Variants in MYRIP observed in about 807,000 individuals in gnomAD.
MYRIP encodes rab effector MyRIP.
A neutral mutation model predicts 98.0 loss-of-function variants in MYRIP; 49 were observed. The ratio of observed to expected loss-of-function variants is 0.50; its 90% CI spans 0.40 to 0.63. MYRIP has a LOEUF of 0.63. Among genes scored for constraint, MYRIP ranks in the 30% least tolerant of loss-of-function variants. The pLI is 0.00. For missense variants in MYRIP, 1,004 were observed against 1,058.2 expected (o/e 0.95, Z 0.71); for synonymous variants, 404 against 409.5 (o/e 0.99, Z 0.16).
intron 1 of MYRIP, among the ~76,000 whole-genome samples, chr3:39,856,105 A>T (rs1489646914): frequency 6.6e-6 from 1 of 152,180 alleles, no homozygotes; most frequent in Non-Finnish European, 1.5e-5. Flanking sequence ...GGATTTTCAG[A>T]TTCCCCAGTG....
chr3:39,898,391 G>A (rs1943665535), intron 1 of MYRIP, among the ~76,000 whole-genome samples: 1 of 152,134 alleles, frequency 6.6e-6, no homozygotes, highest in Non-Finnish European at 1.5e-5. Flanking sequence ...TGGGGATTGA[G>A]CTGTTCCTTT....
At chr3:39,825,859 T>TG (rs1941246978) in intron 1 of MYRIP, among the ~76,000 whole-genome samples, 2 of 152,178 alleles carry the variant, frequency 1.3e-5, no homozygotes, top group Admixed American at 6.5e-5. Flanking sequence ...ATCTTGTTAC[T>TG]TTTTTAATTG....
At chr3:40,067,736 G>C (rs768324497) in intron 3 of MYRIP, among the ~76,000 whole-genome samples, 1 of 146,972 alleles carries the variant, frequency 6.8e-6, no homozygotes. Context: ...GTACGCACGA[G>C]ATACCCTGAA....
At chr3:40,020,669 T>C (rs1338887420) in intron 2 of MYRIP, among the ~76,000 whole-genome samples, 1 of 152,220 alleles carries the variant, frequency 6.6e-6, no homozygotes, top group African/African-American at 2.4e-5. Context: ...AGATGGTATA[T>C]GCACCCAGGA....
intron 1 of MYRIP, among the ~76,000 whole-genome samples, chr3:39,862,524 G>A (rs1454330051): frequency 6.6e-6 from 1 of 151,938 alleles, no homozygotes; most frequent in Non-Finnish European, 1.5e-5. Flanking sequence ...AATACTATAA[G>A]CCACTAAAGA....
chr3:40,007,553 A>G (rs540310843), intron 2 of MYRIP, among the ~76,000 whole-genome samples: 20 of 152,164 alleles, frequency 1.3e-4, no homozygotes, highest in Non-Finnish European at 2.8e-4. Context: ...CTTAACCTCC[A>G]TGAACCTCAG....
chr3:39,898,659 T>A (rs879283890), intron 1 of MYRIP, among the ~76,000 whole-genome samples: 1 of 152,138 alleles, frequency 6.6e-6, no homozygotes, highest in Non-Finnish European at 1.5e-5. Flanking sequence ...TATATTGACC[T>A]GTTTTCTCAT....
Position 40,189,998 on chromosome 3 carries a change from CTT to C in MYRIP, c.1202_1203del (p.Phe401Ter), listed in dbSNP as rs1951157162. ...DEMGSDSEEDFDWSEALSKLC... is the reference protein window; with the variant it reads ...DEMGSDSEEDXDWSEALSKLC... ...AGATGGGCTCCGATAGCGAGGAAGA[CTT>C]TGACTGGAGTGAGGCCTTGAGCAAG... On this transcript the variant is annotated frameshift_variant, in exon 10 of 17. Coordinates refer to ENST00000302541, the MANE Select transcript of MYRIP (RefSeq NM_015460.4). LOFTEE classifies it high-confidence loss of function. 1.9e-6 allele frequency: 3 copies of C among 1,614,020 alleles called. No homozygotes were observed. The highest frequency in any genetic ancestry group is 1.3e-5 in the African/African-American group (1 of 74,920).
At chr3:39,949,621 CTTTCCAAAATA>C (rs1944966163) in intron 2 of MYRIP, among the ~76,000 whole-genome samples, 2 of 152,084 alleles carry the variant, frequency 1.3e-5, no homozygotes, top group Admixed American at 1.3e-4. Context: ...CATAAACTGT[CTTTCCAAAATA>C]TTATTGGCAT....
At chr3:40,164,636 C>A (rs1212529588) in intron 5 of MYRIP, among the ~76,000 whole-genome samples, 4 of 152,224 alleles carry the variant, frequency 2.6e-5, no homozygotes, top group African/African-American at 9.7e-5. Context: ...GCCACGTTGA[C>A]ACATTGACCA....
chr3:40,144,031 C>G (rs1253115903), intron 3 of MYRIP, among the ~76,000 whole-genome samples: 1 of 152,168 alleles, frequency 6.6e-6, no homozygotes, highest in Non-Finnish European at 1.5e-5. Flanking sequence ...TCCGATGATG[C>G]ACTTGAAGTC....
intron 2 of MYRIP, among the ~76,000 whole-genome samples, chr3:39,919,136 G>A (rs544169866): frequency 9.9e-5 from 15 of 152,252 alleles, no homozygotes; most frequent in Non-Finnish European, 1.9e-4. Context: ...TTTTCTTCAC[G>A]TGCGAGAAAT....
chr3:39,995,903 C>A (rs528371440), intron 2 of MYRIP, among the ~76,000 whole-genome samples: 2 of 152,246 alleles, frequency 1.3e-5, no homozygotes, highest in Admixed American at 1.3e-4. Flanking sequence ...AAAGAATTTT[C>A]AACCCAGAAT....
chr3:39,890,217 A>C (rs1283364785), intron 1 of MYRIP, among the ~76,000 whole-genome samples: 1 of 150,314 alleles, frequency 6.7e-6, no homozygotes, highest in Non-Finnish European at 1.5e-5. Context: ...TTGTCTCTTC[A>C]TCTGCTGTTG....
intron 2 of MYRIP, among the ~76,000 whole-genome samples, chr3:39,999,933 A>T (rs1056438676): frequency 1.9e-4 from 28 of 150,834 alleles, no homozygotes; most frequent in African/African-American, 6.6e-4. Flanking sequence ...AGGACAAAAA[A>T]CCAAACACTG....
At chr3:39,983,942 T>C (rs1945958142) in intron 2 of MYRIP, among the ~76,000 whole-genome samples, 2 of 152,170 alleles carry the variant, frequency 1.3e-5, no homozygotes, top group African/African-American at 4.8e-5. Context: ...ATTAAATAAT[T>C]TACCATATTT....
chr3:39,857,414 C>T (rs1019875306), intron 1 of MYRIP, among the ~76,000 whole-genome samples: 2 of 152,016 alleles, frequency 1.3e-5, no homozygotes, highest in East Asian at 3.9e-4. Flanking sequence ...AAAGAGAAAT[C>T]ATTTTTTAAA....
At chr3:39,978,987 G>A (rs1399589862) in intron 2 of MYRIP, among the ~76,000 whole-genome samples, 1 of 152,150 alleles carries the variant, frequency 6.6e-6, no homozygotes, top group Admixed American at 6.5e-5. Context: ...AATTGCATAG[G>A]AGGTGGAGAA....
At chr3:40,174,427 C>T (rs571528876) in intron 8 of MYRIP, 6 of 152,338 alleles carry the variant, frequency 3.9e-5, no homozygotes, top group African/African-American at 1.4e-4. Context: ...CCCATTCATA[C>T]TTATACTCCT....
Sources: allele counts gnomAD v4.1 joint callset (sites outside exome capture counted in the v4.1 genomes callset), GRCh38; gene constraint gnomAD v4.1.1; transcripts MANE v1.5; gene names NCBI Gene and HGNC (gene_info 2026-07-23, HGNC 2026-07-21).